ERC2: variants seen among roughly 807,000 people sequenced by gnomAD.
ERC2 encodes ERC protein 2.
In ERC2, 42 loss-of-function variants were observed where a neutral mutation model predicts 114.8. The observed-to-expected ratio is 0.37, with a 90% CI of 0.29 to 0.47. ERC2 has a LOEUF of 0.47. Ranked by LOEUF, ERC2 falls within the 20% of genes least tolerant of loss-of-function variation. ERC2 has a pLI of 0.99. For synonymous variants in ERC2, 454 were observed against 425.5 expected, an observed-to-expected ratio of 1.07 and a Z score of -0.82; for missense variants, 939 against 1,150.7, an observed-to-expected ratio of 0.82 and a Z score of 2.66.
chr3:55,927,661 A>G (rs185499519), intron 13 of ERC2, among the ~76,000 whole-genome samples: 3 of 152,222 alleles, frequency 2.0e-5, no homozygotes, highest in African/African-American at 7.2e-5. Flanking sequence ...GACTCTAGTC[A>G]TCCTGTCGTG....
chr3:56,358,161 A>C (rs2058815280), intron 2 of ERC2, among the ~76,000 whole-genome samples: 1 of 152,188 alleles, frequency 6.6e-6, no homozygotes, highest in Admixed American at 6.5e-5. Context: ...CTTGAACCTT[A>C]GTAATCCTCA....
intron 1 of ERC2, among the ~76,000 whole-genome samples, chr3:56,440,539 C>A (rs1348386227): frequency 1.5e-5 from 2 of 136,486 alleles, no homozygotes; most frequent in Non-Finnish European, 3.1e-5. Context: ...CAGTGCAAGA[C>A]TCTGTCTCAA....
chr3:55,741,181 G>A (rs750610632), intron 14 of ERC2, among the ~76,000 whole-genome samples: 19 of 152,016 alleles, frequency 1.2e-4, no homozygotes, highest in African/African-American at 1.2e-4. Context: ...CTATCCCTAC[G>A]TCAGATTCTA....
chr3:55,742,725 G>T (rs1474693716), intron 14 of ERC2, among the ~76,000 whole-genome samples: 1 of 152,114 alleles, frequency 6.6e-6, no homozygotes, highest in Non-Finnish European at 1.5e-5. Context: ...AGATGGTGAC[G>T]AAAGATCCTA....
At position 56,293,503 on chromosome 3, in the gene ERC2, A is replaced by G. The variant is rs143950013; in HGVS notation, c.1074+2516T>C. Among the ~76,000 whole-genome samples, 361 of 152,324 alleles carry G rather than the reference A, an allele frequency of 2.4e-3. 3 individuals are homozygous for G. Among genetic ancestry groups the G allele is most frequent in the South Asian group, 0.021 (103 of 4,816 alleles). ...CACCAGGATCATGAGATTCCTGAGA[A>G]TTTAACAAATGGCTCTCACAGGGCA... On this transcript the variant is annotated intron_variant, in intron 3 of 17. Coordinates refer to ENST00000288221, the MANE Select transcript of ERC2 (RefSeq NM_015576.3).
chr3:56,079,617 C>T (rs2077133522), intron 7 of ERC2, among the ~76,000 whole-genome samples: 1 of 152,038 alleles, frequency 6.6e-6, no homozygotes, highest in Non-Finnish European at 1.5e-5. Context: ...CTCCATGGAC[C>T]TCTGACCTGT....
Position 55,753,696 on chromosome 3 carries a change from A to G in ERC2, c.2565-18778T>C, listed in dbSNP as rs75269441. On this transcript the variant is annotated intron_variant, in intron 14 of 17. Coordinates refer to ENST00000288221, the MANE Select transcript of ERC2 (RefSeq NM_015576.3). ...ATAAATTCACGAACGGAAAACGACT[A>G]TCTGGAGGAGGCACAAAAGAGTTTT... 2.0e-5 allele frequency among the ~76,000 whole-genome samples: 3 copies of G among 152,364 alleles called. No individual in the cohort carries two copies. The East Asian group carries it at 5.8e-4, about 29-fold the overall frequency.
chr3:55,520,221 G>A (rs577485212), intron 17 of ERC2, among the ~76,000 whole-genome samples: 309 of 152,082 alleles, frequency 2.0e-3, no homozygotes, highest in African/African-American at 6.7e-3. Flanking sequence ...GGGAGGGCAA[G>A]GGGGACAGAT....
chr3:56,256,152 A>T (rs1457917326), intron 3 of ERC2, among the ~76,000 whole-genome samples: 1 of 152,236 alleles, frequency 6.6e-6, no homozygotes, highest in Non-Finnish European at 1.5e-5. Flanking sequence ...AAAGTGAGCC[A>T]TTACCCCTTC....
intron 14 of ERC2, among the ~76,000 whole-genome samples, chr3:55,886,314 A>T (rs1003015965): frequency 3.3e-5 from 5 of 152,130 alleles, no homozygotes; most frequent in African/African-American, 9.7e-5. Context: ...GGTAAAACAA[A>T]CTTATAAGTT....
intron 10 of ERC2, among the ~76,000 whole-genome samples, chr3:55,995,205 C>T (rs755574696): frequency 1.1e-4 from 16 of 152,090 alleles, no homozygotes; most frequent in East Asian, 3.9e-4. Flanking sequence ...TTGAGGCACA[C>T]GCCTGTAGTC....
chr3:55,832,592 C>A (rs1226116608), intron 14 of ERC2, among the ~76,000 whole-genome samples: 1 of 152,170 alleles, frequency 6.6e-6, no homozygotes, highest in African/African-American at 2.4e-5. Context: ...AATATCCACA[C>A]CAAAAACCTA....
At chr3:56,455,377 G>A (rs1400478629) in intron 1 of ERC2, among the ~76,000 whole-genome samples, 1 of 151,970 alleles carries the variant, frequency 6.6e-6, no homozygotes, top group African/African-American at 2.4e-5. Flanking sequence ...ATTTCCTTAT[G>A]GGATTAAACA....
At chr3:56,414,451 G>A (rs139698968) in intron 2 of ERC2, among the ~76,000 whole-genome samples, 34 of 152,110 alleles carry the variant, frequency 2.2e-4, no homozygotes, top group East Asian at 1.9e-3. Context: ...GGTTGGGCAC[G>A]GTGGCTCACA....
chr3:56,164,775 A>G (rs2149999896), intron 4 of ERC2, among the ~76,000 whole-genome samples: 1 of 152,062 alleles, frequency 6.6e-6, no homozygotes, highest in Admixed American at 6.6e-5. Flanking sequence ...TGTCTTTCTT[A>G]TTTTAGCCAT....
intron 3 of ERC2, among the ~76,000 whole-genome samples, chr3:56,197,577 C>G (rs2048180310): frequency 6.6e-6 from 1 of 152,176 alleles, no homozygotes; most frequent in African/African-American, 2.4e-5. Context: ...GCCGTCTGTA[C>G]AACACACATT....
At chr3:55,558,977 C>A (rs1371652230) in intron 17 of ERC2, among the ~76,000 whole-genome samples, 1 of 152,232 alleles carries the variant, frequency 6.6e-6, no homozygotes, top group East Asian at 1.9e-4. Context: ...ACATGTTAGT[C>A]CCACAGCAAG....
chr3:55,862,186 G>A (rs138803566), intron 14 of ERC2, among the ~76,000 whole-genome samples: 120 of 152,110 alleles, frequency 7.9e-4, no homozygotes, highest in African/African-American at 2.7e-3. Context: ...GTGTGTGTGT[G>A]TATATATATA....
At chr3:56,304,168 A>G (rs1263658987) in intron 2 of ERC2, among the ~76,000 whole-genome samples, 1 of 152,192 alleles carries the variant, frequency 6.6e-6, no homozygotes, top group Non-Finnish European at 1.5e-5. Flanking sequence ...CAGATGGGGT[A>G]AGAAAAAAGA....
Sources: gnomAD v4.1 joint callset for allele counts (sites outside exome capture counted in the v4.1 genomes callset) on GRCh38, gnomAD v4.1.1 for gene constraint, MANE v1.5 for transcripts, NCBI Gene and HGNC (gene_info 2026-07-23, HGNC 2026-07-21) for gene names.